Variants in ARPC5L observed in about 807,000 individuals in gnomAD.
ARPC5L encodes actin related protein 2/3 complex subunit 5 like, also known as actin-related protein 2/3 complex subunit 5-like protein.
Under a neutral mutation model 16.9 loss-of-function variants are expected in ARPC5L, and 4 were observed. That is an observed-to-expected ratio of 0.24 (90% CI 0.12 to 0.54). The LOEUF is 0.54. Among genes scored for constraint, ARPC5L ranks in the 20% least tolerant of loss-of-function variants. ARPC5L has a pLI of 0.95. For missense variants in ARPC5L, 151 were observed against 201.9 expected (o/e 0.75, Z 1.53); for synonymous variants, 78 against 82.6 (o/e 0.94, Z 0.30).
At chr9:124,862,438 G>A (rs1252758273) in intron 1 of ARPC5L, 40 bp downstream of exon 1, 1 of 154,580 alleles carries the variant, frequency 6.5e-6, no homozygotes, top group Non-Finnish European at 1.4e-5. Context: ...GCGGGCTCAG[G>A]CAGTTATAAT....
At chr9:124,864,627 C>G (rs148041152) in intron 2 of ARPC5L, among the ~76,000 whole-genome samples, 2 of 152,310 alleles carry the variant, frequency 1.3e-5, no homozygotes, top group African/African-American at 2.4e-5. Context: ...ATCCGCCTGC[C>G]TTGGCCTCCC....
At chr9:124,868,189 A>G (rs1417636644) in intron 2 of ARPC5L, among the ~76,000 whole-genome samples, 1 of 152,160 alleles carries the variant, frequency 6.6e-6, no homozygotes, top group Non-Finnish European at 1.5e-5. Flanking sequence ...TTATCTTTAG[A>G]CACAGTTCAA....
At chr9:124,873,632 CT>C in intron 3 of ARPC5L, 59 bp from the exon 4 acceptor site, 1 of 1,587,432 alleles carries the variant, frequency 6.3e-7, no homozygotes, top group South Asian at 1.1e-5. Flanking sequence ...CTGAAGTGAG[CT>C]TGTTCATGAC....
chr9:124,864,746 C>T (rs1297495111), intron 2 of ARPC5L, among the ~76,000 whole-genome samples: 2 of 152,022 alleles, frequency 1.3e-5, no homozygotes, highest in Non-Finnish European at 2.9e-5. Flanking sequence ...TCAAGAGATC[C>T]GCCTGCCTCA....
intron 2 of ARPC5L, among the ~76,000 whole-genome samples, chr9:124,866,746 C>T (rs1358807424): frequency 6.6e-6 from 1 of 152,096 alleles, no homozygotes; most frequent in African/African-American, 2.4e-5. Context: ...ATTTACCCAG[C>T]TTGTTCCCAC....
At chr9:124,875,197 T>C (rs757151198) in intron 5 of ARPC5L, 46 bp downstream of exon 5, 3 of 1,590,134 alleles carry the variant, frequency 1.9e-6, no homozygotes, top group Admixed American at 1.7e-5. Flanking sequence ...CTGGCTTGCC[T>C]TGGGGTTCGA....
At chr9:124,876,450 C>T (rs1263345358) in intron 5 of ARPC5L, among the ~76,000 whole-genome samples, 1 of 152,172 alleles carries the variant, frequency 6.6e-6, no homozygotes, top group Non-Finnish European at 1.5e-5. Flanking sequence ...CGTGCCATTG[C>T]ACTCCAGCCT....
intron 2 of ARPC5L, among the ~76,000 whole-genome samples, chr9:124,864,572 T>C (rs904665134): frequency 1.8e-4 from 27 of 152,172 alleles, no homozygotes; most frequent in Non-Finnish European, 2.6e-4. Context: ...ATATTTCACC[T>C]GGCCACCATG....
At chr9:124,862,941 G>A (rs1829223306) in intron 1 of ARPC5L, among the ~76,000 whole-genome samples, 1 of 151,644 alleles carries the variant, frequency 6.6e-6, no homozygotes, top group Admixed American at 6.6e-5. Context: ...TCCGCTTCCC[G>A]GGTTCAAGCA....
At chr9:124,873,482 T>G in intron 3 of ARPC5L, 2 of 588,914 alleles carry the variant, frequency 3.4e-6, no homozygotes, top group East Asian at 2.9e-5. Context: ...AGAGAGGGAG[T>G]TGAAAGGAGG....
chr9:124,865,667 C>T (rs1829259007), intron 2 of ARPC5L, among the ~76,000 whole-genome samples: 1 of 151,272 alleles, frequency 6.6e-6, no homozygotes, highest in African/African-American at 2.4e-5. Context: ...GTGGCGGGTG[C>T]CTATAATCAC....
chr9:124,863,542 T>G (rs888954089), intron 1 of ARPC5L, among the ~76,000 whole-genome samples: 1 of 152,226 alleles, frequency 6.6e-6, no homozygotes, highest in Non-Finnish European at 1.5e-5. Flanking sequence ...TCTTCCCCTT[T>G]CTTGAGTCTC....
chr9:124,864,710 G>A (rs1356622450), intron 2 of ARPC5L, among the ~76,000 whole-genome samples: 1 of 151,478 alleles, frequency 6.6e-6, no homozygotes, highest in Non-Finnish European at 1.5e-5. Context: ...ACGGGGTTTC[G>A]CCAGGGTGGT....
At position 124,873,595 on chromosome 9, in the gene ARPC5L, C is replaced by T. The variant is rs113069294; in HGVS notation, c.150-97C>T. The stretch of plus-strand genomic sequence containing the variant: ...GAAGGTGGGTGGTATGGATGAGATC[C>T]CATCTGACTCTGTTCCTGAGCTGTT... On this transcript the variant is annotated intron_variant, in intron 3 of 5. Coordinates refer to ENST00000353214, the MANE Select transcript of ARPC5L (RefSeq NM_030978.3). 4,642 of 1,369,778 alleles carry T rather than the reference C, an allele frequency of 3.4e-3. 140 individuals are homozygous for T. The African/African-American group carries it at 0.059, about 18-fold the overall frequency. The allele number at this position is 1,369,778 out of a possible 1,614,324, so 84.9% of individuals were successfully genotyped here. A position where few individuals can be genotyped will look rare whatever the true frequency, so the allele number is the denominator to read the frequency against.
rs1188012917 is a variant in ARPC5L, at chr9:124,869,311, C to T, written c.21C>T (p.Ser7=). Residue 7 remains serine (S), a synonymous_variant, in exon 3 of 6, where the codon TCC becomes TCT. Coordinates refer to ENST00000353214, the MANE Select transcript of ARPC5L (RefSeq NM_030978.3). The stretch of plus-strand genomic sequence containing the variant: ...CCGCCATGGCCCGGAACACGCTGTC[C>T]TCGCGCTTCCGCCGGGTGGACATCG... MARNTL[S]SRFRRVDIDE... The T allele has an allele frequency of 2.6e-6, 4 of 1,531,234 alleles. No individual in the cohort carries two copies. Among genetic ancestry groups the T allele is most frequent in the Non-Finnish European group, 3.5e-6 (4 of 1,139,116 alleles). The allele number at this position is 1,531,234 out of a possible 1,614,324, so 94.9% of individuals were successfully genotyped here.
chr9:124,871,177 A>T (rs1441212238), intron 3 of ARPC5L, among the ~76,000 whole-genome samples: 1 of 152,112 alleles, frequency 6.6e-6, no homozygotes, highest in East Asian at 1.9e-4. Flanking sequence ...GGGAGGGCAG[A>T]GAGGGGCCCT....
At position 124,875,048 on chromosome 9, in the gene ARPC5L, C is replaced by T. The variant is rs1829412526; in HGVS notation, c.296C>T (p.Ser99Leu). 5 of 1,614,050 alleles carry T rather than the reference C, an allele frequency of 3.1e-6. No individual in the cohort carries two copies. Among genetic ancestry groups the T allele is most frequent in the Non-Finnish European group, 4.2e-6 (5 of 1,179,924 alleles). The stretch of plus-strand genomic sequence containing the variant: ...AGTGAGATTGAGCAGGCTGTGCAGT[C>T]ACTGGACAGAAACGGCGTTGACTTG... ...KSSEIEQAVQSLDRNGVDLLM... is the reference protein window; with the variant it reads ...KSSEIEQAVQLLDRNGVDLLM... The change falls in exon 5 of 6, where the codon TCA becomes TTA. Residue 99 changes from serine to leucine, a missense_variant. Coordinates refer to ENST00000353214, the MANE Select transcript of ARPC5L (RefSeq NM_030978.3).
chr9:124,873,900 CTG>C, intron 4 of ARPC5L, 136 bp downstream of exon 4: 1 of 958,248 alleles, frequency 1.0e-6, no homozygotes, highest in Non-Finnish European at 1.6e-6. Context: ...GGGAAGCCTC[CTG>C]GCGCTCCCTA....
chr9:124,873,537 C>T (rs1829389584), intron 3 of ARPC5L, 155 bp from the exon 4 acceptor site: 1 of 779,484 alleles, frequency 1.3e-6, no homozygotes, highest in East Asian at 2.5e-5. Context: ...CCTGTGCAGG[C>T]TGTAAACCGT....
Sources: allele counts gnomAD v4.1 joint callset (sites outside exome capture counted in the v4.1 genomes callset), GRCh38; gene constraint gnomAD v4.1.1; transcripts MANE v1.5; gene names NCBI Gene and HGNC (gene_info 2026-07-23, HGNC 2026-07-21).